RANBP17: variants seen among roughly 807,000 people sequenced by gnomAD.
RANBP17 encodes the protein ran-binding protein 17.
A neutral mutation model predicts 141.2 loss-of-function variants in RANBP17; 158 were observed. The observed-to-expected ratio is 1.12, with a 90% CI of 0.98 to 1.28. The LOEUF is 1.28. Among genes scored for constraint, RANBP17 ranks in the 50% most tolerant of loss-of-function variants. RANBP17 has a pLI of 0.00. For synonymous variants in RANBP17, 430 were observed against 450.0 expected (o/e 0.96, Z 0.56); for missense variants, 1,438 against 1,290.7 (o/e 1.11, Z -1.75).
chr5:170,898,045 A>G (rs903368655), intron 5 of RANBP17, among the ~76,000 whole-genome samples: 10 of 152,112 alleles, frequency 6.6e-5, no homozygotes, highest in Admixed American at 3.3e-4. Flanking sequence ...AAGCGTTCCT[A>G]TTTCTCCACA....
chr5:170,958,443 G>A (rs556073429), intron 13 of RANBP17, among the ~76,000 whole-genome samples: 1 of 152,228 alleles, frequency 6.6e-6, no homozygotes, highest in Admixed American at 6.5e-5. Context: ...GTTGGTGGGT[G>A]TGCAAGCAGG....
At chr5:171,050,795 C>T (rs1782905817) in intron 14 of RANBP17, among the ~76,000 whole-genome samples, 1 of 152,172 alleles carries the variant, frequency 6.6e-6, no homozygotes, top group Non-Finnish European at 1.5e-5. Flanking sequence ...CACATACTTT[C>T]CCTTTTGTCT....
At chr5:171,088,200 A>T (rs1223080484) in intron 14 of RANBP17, among the ~76,000 whole-genome samples, 1 of 151,394 alleles carries the variant, frequency 6.6e-6, no homozygotes, top group Non-Finnish European at 1.5e-5. Context: ...TCTGTAAAGT[A>T]TTTTATTTCT....
At chr5:171,129,364 A>G (rs1212808197) in intron 14 of RANBP17, among the ~76,000 whole-genome samples, 1 of 152,216 alleles carries the variant, frequency 6.6e-6, no homozygotes, top group Non-Finnish European at 1.5e-5. Context: ...GATATTTCAG[A>G]TAGCTAAGTT....
intron 25 of RANBP17, among the ~76,000 whole-genome samples, chr5:171,275,892 G>A (rs1345001620): frequency 6.6e-6 from 1 of 152,132 alleles, no homozygotes; most frequent in Non-Finnish European, 1.5e-5. Flanking sequence ...CGCTGAAGAA[G>A]GAGTGGAGGT....
intron 25 of RANBP17, among the ~76,000 whole-genome samples, chr5:171,286,500 T>G (rs1466268957): frequency 1.3e-5 from 2 of 152,178 alleles, no homozygotes; most frequent in Admixed American, 6.5e-5. Context: ...TTTTTATATA[T>G]AGATAATTTT....
At chr5:171,228,449 T>G (rs948151117) in intron 22 of RANBP17, among the ~76,000 whole-genome samples, 2 of 152,210 alleles carry the variant, frequency 1.3e-5, no homozygotes, top group African/African-American at 4.8e-5. Context: ...AGGAGTTGCT[T>G]CTTCTGGATG....
At chr5:170,958,366 G>C (rs1438989702) in intron 13 of RANBP17, among the ~76,000 whole-genome samples, 2 of 152,124 alleles carry the variant, frequency 1.3e-5, no homozygotes, top group Non-Finnish European at 2.9e-5. Flanking sequence ...CAGAAACTGT[G>C]AGAGTCTTTT....
chr5:171,172,806 A>T (rs997873469), intron 16 of RANBP17, among the ~76,000 whole-genome samples: 6 of 151,806 alleles, frequency 4.0e-5, no homozygotes, highest in African/African-American at 1.4e-4. Context: ...ATTTATTTGT[A>T]TCTGCTATTT....
chr5:171,056,788 C>A (rs912213394), intron 14 of RANBP17, among the ~76,000 whole-genome samples: 12 of 144,182 alleles, frequency 8.3e-5, no homozygotes. Flanking sequence ...TCCCAGGTCA[C>A]CAGAAGTCAT....
chr5:171,240,973 A>T lies in RANBP17; in HGVS notation c.2468A>T (p.Tyr823Phe), dbSNP rs759557712. 2 of 1,613,954 alleles carry T rather than the reference A, an allele frequency of 1.2e-6. No homozygotes were observed. Among genetic ancestry groups the T allele is most frequent in the Admixed American group, 3.3e-5 (2 of 60,020 alleles). ...SLGSLSKDQIYPMKLKGISIC... is the reference protein window; with the variant it reads ...SLGSLSKDQIFPMKLKGISIC... ...GGGAGCCTCTCAAAAGATCAGATTTATCCAATGAAACTCAAGGGCATCTCC... is the reference window on the plus strand; with the variant it reads ...GGGAGCCTCTCAAAAGATCAGATTTTTCCAATGAAACTCAAGGGCATCTCC... The change falls in exon 23 of 28, where the codon TAT (tyrosine) becomes TTT (phenylalanine). Residue 823 changes from tyrosine (Y) to phenylalanine (F), a missense_variant. By Grantham distance (22) the Tyr-to-Phe change is conservative. Transcript: ENST00000523189.
intron 14 of RANBP17, among the ~76,000 whole-genome samples, chr5:171,148,151 C>T (rs962267869): frequency 5.9e-5 from 9 of 152,018 alleles, no homozygotes; most frequent in South Asian, 4.2e-4. Context: ...GGATTAAGGG[C>T]GGTGCAAGAT....
intron 14 of RANBP17, among the ~76,000 whole-genome samples, chr5:171,067,475 A>C (rs748350856): frequency 1.3e-5 from 2 of 152,098 alleles, no homozygotes; most frequent in Non-Finnish European, 2.9e-5. Flanking sequence ...AGAGATCTCT[A>C]TTTCTCTGTA....
chr5:171,053,774 A>G (rs1036508992), intron 14 of RANBP17, among the ~76,000 whole-genome samples: 1 of 150,534 alleles, frequency 6.6e-6, no homozygotes, highest in Non-Finnish European at 1.5e-5. Context: ...GCAGTGGTGA[A>G]AGTGGTCATC....
chr5:170,930,890 T>C (rs755400222), intron 12 of RANBP17, among the ~76,000 whole-genome samples: 1 of 152,232 alleles, frequency 6.6e-6, no homozygotes, highest in African/African-American at 2.4e-5. Flanking sequence ...TGTGTCCTTA[T>C]AGCGGTGTGA....
At chr5:171,039,001 A>C (rs1027632691) in intron 14 of RANBP17, among the ~76,000 whole-genome samples, 1 of 152,020 alleles carries the variant, frequency 6.6e-6, no homozygotes. Context: ...GATTAATTCT[A>C]TGTCTTTGCT....
chr5:171,258,828 T>G (rs1267082933), intron 24 of RANBP17, among the ~76,000 whole-genome samples: 3 of 151,998 alleles, frequency 2.0e-5, no homozygotes, highest in Non-Finnish European at 2.9e-5. Flanking sequence ...GCAAAAAAAT[T>G]ATGACAAAGA....
intron 14 of RANBP17, among the ~76,000 whole-genome samples, chr5:171,090,067 A>G (rs1022098290): frequency 7.9e-5 from 12 of 152,246 alleles, no homozygotes; most frequent in African/African-American, 2.7e-4. Flanking sequence ...ACCCGAAAAT[A>G]TGGAAGCAAC....
In RANBP17 at chr5:171,055,005, A is replaced by G. The variant is rs1783247196; in HGVS notation, c.1710+86628A>G. On this transcript the variant is annotated intron_variant, in intron 14 of 27. Coordinates refer to ENST00000523189, the MANE Select transcript of RANBP17 (RefSeq NM_022897.5). ...ACAGAAGGTGGTATCTGGAAGACTA[A>G]TAAGTGTTCAACTTAAGAAAACATT... 2.6e-5 allele frequency among the ~76,000 whole-genome samples: 4 copies of G among 152,194 alleles called. No individual in the cohort carries two copies. The South Asian group carries it at 8.3e-4, about 32-fold the overall frequency.
Sources: allele counts gnomAD v4.1 joint callset (sites outside exome capture counted in the v4.1 genomes callset), GRCh38; gene constraint gnomAD v4.1.1; transcripts MANE v1.5; gene names NCBI Gene and HGNC (gene_info 2026-07-23, HGNC 2026-07-21).